The following ZSCAN5A variants were observed in gnomAD, a reference collection of about 807,000 sequenced individuals.
The protein encoded by ZSCAN5A is zinc finger and SCAN domain containing 5A.
ZSCAN5A carries 12 observed loss-of-function variants against 23.7 expected under a neutral mutation model. The observed-to-expected ratio is 0.51, with a 90% CI of 0.32 to 0.82. The LOEUF (loss-of-function observed/expected upper bound fraction) is 0.82. Among genes scored for constraint, ZSCAN5A ranks in the 40% least tolerant of loss-of-function variants. The pLI, the probability that ZSCAN5A is intolerant of heterozygous loss-of-function variation, is 0.03. For missense variants in ZSCAN5A, 597 were observed against 617.9 expected (o/e 0.97, Z 0.36); for synonymous variants, 257 against 239.9 (o/e 1.07, Z -0.66).
chr19:56,246,713 T>A (rs1303473393), intron 2 of ZSCAN5A: 1 of 1,163,274 alleles, frequency 8.6e-7, no homozygotes, highest in Non-Finnish European at 1.3e-6. Context: ...CTGTTGTGTG[T>A]GGAATCCCTT....
chr19:56,238,337 G>A (rs34215915), intron 2 of ZSCAN5A, among the ~76,000 whole-genome samples: 23,490 of 152,160 alleles, frequency 0.15, 1,951 homozygotes, highest in East Asian at 0.21. Flanking sequence ...TAATTAGCTT[G>A]ATTGTAGTAT....
chr19:56,329,213 G>C (rs772563722), intron 2 of ZSCAN5A, among the ~76,000 whole-genome samples: 1 of 151,806 alleles, frequency 6.6e-6, no homozygotes, highest in Non-Finnish European at 1.5e-5. Flanking sequence ...GCTGGGCGTG[G>C]TGCCATATGC....
chr19:56,334,774 GA>G (rs571651958), intron 2 of ZSCAN5A, among the ~76,000 whole-genome samples: 2 of 151,896 alleles, frequency 1.3e-5, no homozygotes, highest in East Asian at 3.9e-4. Context: ...ATTATTAAAA[GA>G]AAAAAATACT....
At chr19:56,273,199 G>A (rs1196972837) in intron 2 of ZSCAN5A, among the ~76,000 whole-genome samples, 1 of 152,168 alleles carries the variant, frequency 6.6e-6, no homozygotes, top group Non-Finnish European at 1.5e-5. Context: ...GTCCTCATCT[G>A]ACCAACGGGG....
chr19:56,302,329 T>TCCTC (rs1337355998), intron 2 of ZSCAN5A, among the ~76,000 whole-genome samples: 15 of 122,394 alleles, frequency 1.2e-4, no homozygotes, highest in African/African-American at 4.5e-4. Flanking sequence ...TCCCTCCCCT[T>TCCTC]CCTCCTTCCC....
chr19:56,293,006 C>T (rs2039621087), intron 2 of ZSCAN5A, among the ~76,000 whole-genome samples: 1 of 152,184 alleles, frequency 6.6e-6, no homozygotes, highest in African/African-American at 2.4e-5. Context: ...CGGCTGAGGA[C>T]ACACTCTTCT....
chr19:56,257,316 G>A (rs564909641), intron 2 of ZSCAN5A, among the ~76,000 whole-genome samples: 2 of 152,310 alleles, frequency 1.3e-5, no homozygotes, highest in East Asian at 3.9e-4. Context: ...AGGGCTGGGA[G>A]AACAAAGGGA....
intron 2 of ZSCAN5A, chr19:56,244,035 C>T: frequency 1.2e-6 from 1 of 859,216 alleles, no homozygotes; most frequent in African/African-American, 1.7e-5. Context: ...AAATATTCTC[C>T]ACCAGATATG....
chr19:56,226,184 AAGTCACTGGT>A (rs1284293334), intron 2 of ZSCAN5A, among the ~76,000 whole-genome samples: 1 of 152,108 alleles, frequency 6.6e-6, no homozygotes, highest in Non-Finnish European at 1.5e-5. Flanking sequence ...GTCTTGGGAA[AAGTCACTGGT>A]AGCCTGGAGG....
At chr19:56,259,353 C>T (rs376675156) in intron 2 of ZSCAN5A, among the ~76,000 whole-genome samples, 2 of 152,060 alleles carry the variant, frequency 1.3e-5, no homozygotes, top group Non-Finnish European at 1.5e-5. Context: ...TGTGAGCTAC[C>T]GCGCCTGGCT....
chr19:56,345,838 CT>C (rs767508881), intron 2 of ZSCAN5A, among the ~76,000 whole-genome samples: 1 of 152,174 alleles, frequency 6.6e-6, no homozygotes. Flanking sequence ...CTATACACTT[CT>C]TTAAAACCCA....
chr19:56,268,740 C>T (rs755058), intron 2 of ZSCAN5A, among the ~76,000 whole-genome samples: 84,096 of 151,804 alleles, frequency 0.55, 23,524 homozygotes, highest in Admixed American at 0.6. Context: ...TTTTAAAACA[C>T]TTTCCTTACC....
chr19:56,315,430 C>T (rs552969518), upstream of ZSCAN5A: 1 of 152,248 alleles, frequency 6.6e-6, no homozygotes, highest in East Asian at 1.9e-4. Flanking sequence ...AATGCTGGCT[C>T]CAAAGTGGTG....
intron 2 of ZSCAN5A, among the ~76,000 whole-genome samples, chr19:56,248,935 G>A (rs945560693): frequency 2.6e-5 from 4 of 152,144 alleles, no homozygotes; most frequent in African/African-American, 9.7e-5. Flanking sequence ...CGCTCTGGGT[G>A]TTGTACATCC....
intron 2 of ZSCAN5A, among the ~76,000 whole-genome samples, chr19:56,302,468 C>T (rs2040323877): frequency 6.9e-6 from 1 of 145,832 alleles, no homozygotes; most frequent in Non-Finnish European, 1.5e-5. Flanking sequence ...CTGCTTCCTC[C>T]CTCCCTTCTT....
intron 2 of ZSCAN5A, among the ~76,000 whole-genome samples, chr19:56,326,935 C>T (rs1568753410): frequency 6.6e-6 from 1 of 152,184 alleles, no homozygotes; most frequent in Non-Finnish European, 1.5e-5. Flanking sequence ...CCATCATTCA[C>T]TCATCCAGCA....
At chr19:56,366,041 C>T (rs191018068) in intron 1 of ZSCAN5A, 1 of 152,100 alleles carries the variant, frequency 6.6e-6, no homozygotes, top group East Asian at 1.9e-4. Flanking sequence ...CAGAGCCTAC[C>T]GTCTTGGGGT....
chr19:56,258,740 T>C (rs971299937), intron 2 of ZSCAN5A, among the ~76,000 whole-genome samples: 5 of 152,096 alleles, frequency 3.3e-5, no homozygotes, highest in African/African-American at 4.8e-5. Context: ...AGAGGTGGAG[T>C]TGGATTTCCA....
At chr19:56,228,308 C>T (rs2034152700) in intron 2 of ZSCAN5A, 1 of 985,280 alleles carries the variant, frequency 1.0e-6, no homozygotes, top group Admixed American at 6.1e-5. Flanking sequence ...CTCCAACCGG[C>T]CTGGAGCTGA....
Sources: gnomAD v4.1 joint callset for allele counts (sites outside exome capture counted in the v4.1 genomes callset) on GRCh38, gnomAD v4.1.1 for gene constraint, MANE v1.5 for transcripts, NCBI Gene and HGNC (gene_info 2026-07-23, HGNC 2026-07-21) for gene names.